The following AHCTF1 variants were observed in gnomAD, a reference collection of about 807,000 sequenced individuals.
AHCTF1 encodes AT-hook containing transcription factor 1.
In AHCTF1, 24 loss-of-function variants were observed where a neutral mutation model predicts 248.4. The observed-to-expected ratio is 0.10, with a 90% CI of 0.07 to 0.14. AHCTF1 has a LOEUF of 0.14. Ranked by LOEUF, AHCTF1 falls within the 10% of genes least tolerant of loss-of-function variation. The pLI, the probability that AHCTF1 is intolerant of heterozygous loss-of-function variation, is 1.00. For synonymous variants in AHCTF1, 786 were observed against 929.8 expected (o/e 0.85, Z 2.81); for missense variants, 2,206 against 2,636.2 (o/e 0.84, Z 3.57).
intron 24 of AHCTF1, among the ~76,000 whole-genome samples, chr1:246,874,045 C>T (rs988596889): frequency 2.0e-5 from 3 of 152,136 alleles, no homozygotes; most frequent in Non-Finnish European, 4.4e-5. Flanking sequence ...CAACTCACTC[C>T]TGTCCTGACA....
At chr1:246,902,802 C>G in intron 7 of AHCTF1, 127 bp from the exon 8 acceptor site, 1 of 889,856 alleles carries the variant, frequency 1.1e-6, no homozygotes, top group South Asian at 3.3e-5. Flanking sequence ...TGAAGAGAAC[C>G]AATCATGGAA....
intron 1 of AHCTF1, among the ~76,000 whole-genome samples, chr1:246,922,829 A>T (rs1470638230): frequency 1.3e-5 from 2 of 151,286 alleles, no homozygotes; most frequent in African/African-American, 4.9e-5. Context: ...AAAAATACAA[A>T]AAAAATAGCC....
intron 24 of AHCTF1, among the ~76,000 whole-genome samples, chr1:246,874,555 C>CA (rs926183348): frequency 1.3e-5 from 2 of 151,950 alleles, no homozygotes; most frequent in African/African-American, 4.8e-5. Context: ...AACGGCCACC[C>CA]AAAAAAATAT....
chr1:246,849,901 G>A lies in AHCTF1; in HGVS notation c.6105C>T (p.Asn2035=), dbSNP rs41308156. The A allele has an allele frequency of 6.8e-3, 10,976 of 1,613,860 alleles. 624 individuals are homozygous for A. The African/African-American group carries it at 0.13, about 19-fold the overall frequency. The part of the protein sequence containing the change: ...PALGKSILVP[N]EELSMVMSSK... Reference sequence around the variant, plus strand: ...AGCTCATCACCATCGAAAGTTCCTCGTTTGGCACTAAAATGGATTTTCCTA... The same window carrying A: ...AGCTCATCACCATCGAAAGTTCCTCATTTGGCACTAAAATGGATTTTCCTA... The change falls in exon 33 of 36, where the codon AAC becomes AAT. Residue 2035 remains asparagine (N), a synonymous_variant. Transcript: ENST00000648844.
chr1:246,902,139 A>C (rs1350517937), intron 8 of AHCTF1, among the ~76,000 whole-genome samples: 4 of 152,178 alleles, frequency 2.6e-5, no homozygotes, highest in Non-Finnish European at 5.9e-5. Flanking sequence ...GATGCAAAAA[A>C]AACTGCCAGG....
chr1:246,861,420 A>G (rs1208602939), intron 28 of AHCTF1, 125 bp from the exon 29 acceptor site: 3 of 907,158 alleles, frequency 3.3e-6, no homozygotes, highest in Non-Finnish European at 4.9e-6. Context: ...TCTCCTTAAT[A>G]AAAATTCATT....
intron 1 of AHCTF1, among the ~76,000 whole-genome samples, chr1:246,930,156 C>G (rs1384917916): frequency 6.6e-6 from 1 of 152,088 alleles, no homozygotes; most frequent in African/African-American, 2.4e-5. Context: ...TTTATTTTAG[C>G]AACAGGTTCT....
chr1:246,894,774 A>C, intron 13 of AHCTF1, 26 bp from the exon 14 acceptor site: 1 of 1,581,096 alleles, frequency 6.3e-7, no homozygotes, highest in Non-Finnish European at 8.7e-7. Flanking sequence ...AAAAGGGAAA[A>C]AATAAAGATT....
chr1:246,887,874 C>T (rs1193829939), intron 19 of AHCTF1, among the ~76,000 whole-genome samples: 3 of 152,170 alleles, frequency 2.0e-5, no homozygotes, highest in African/African-American at 7.2e-5. Context: ...ATAGTGACCA[C>T]TTGGTGGTAG....
chr1:246,868,215 G>A (rs930469378), intron 24 of AHCTF1, among the ~76,000 whole-genome samples: 2 of 150,102 alleles, frequency 1.3e-5, no homozygotes, highest in Non-Finnish European at 2.9e-5. Context: ...TGCAACCTCT[G>A]CCTGCCAGAC....
intron 2 of AHCTF1, among the ~76,000 whole-genome samples, chr1:246,917,588 T>C (rs989615638): frequency 3.9e-5 from 6 of 152,218 alleles, no homozygotes; most frequent in East Asian, 1.9e-4. Flanking sequence ...CATCGTACAA[T>C]GCCTGGCATA....
chr1:246,922,422 T>G (rs1163678302), intron 1 of AHCTF1, among the ~76,000 whole-genome samples: 1 of 150,692 alleles, frequency 6.6e-6, no homozygotes, highest in Admixed American at 6.6e-5. Context: ...TCTGTTGCGG[T>G]TTTTTGGGTT....
In AHCTF1 at chr1:246,926,998, T is replaced by A. The variant is rs61854046; in HGVS notation, c.-8+4580A>T. ...GACCATCCTGGCTAACAAGGTGAAA[T>A]CCCGTCTCTACTAAAAATACAGAAA... On this transcript the variant is annotated intron_variant, in intron 1 of 35. Transcript: ENST00000648844. Among the ~76,000 whole-genome samples, 5 of 151,054 alleles carry A rather than the reference T, an allele frequency of 3.3e-5. No individual in the cohort carries two copies. In the East Asian group the frequency reaches 9.8e-4, roughly 30 times the overall value.
At chr1:246,848,032 A>G (rs1660412360) in intron 33 of AHCTF1, among the ~76,000 whole-genome samples, 1 of 152,172 alleles carries the variant, frequency 6.6e-6, no homozygotes. Context: ...CATAGGTCTA[A>G]CCACACTTTT....
intron 33 of AHCTF1, among the ~76,000 whole-genome samples, chr1:246,846,871 C>T (rs1430401351): frequency 6.6e-6 from 1 of 151,930 alleles, no homozygotes; most frequent in Non-Finnish European, 1.5e-5. Context: ...CACACCTCAG[C>T]CTCCCAAGTA....
rs140597337 is a variant in AHCTF1 at position 246,841,312 on chromosome 1, T to C, written c.6609-314A>G. Among the ~76,000 whole-genome samples the C allele has an allele frequency of 3.2e-4, 48 of 152,272 alleles. No individual in the cohort carries two copies. In the East Asian group the frequency reaches 6.7e-3, roughly 21 times the overall value. On this transcript the variant is annotated intron_variant, in intron 35 of 35. Transcript: ENST00000648844. Reference sequence around the variant, plus strand: ...TGCTGGATTACAAGGACGGGCCGAGTACCAGTTGTCAGCCCAGGGGATGAC... The same window carrying C: ...TGCTGGATTACAAGGACGGGCCGAGCACCAGTTGTCAGCCCAGGGGATGAC...
chr1:246,870,723 CAAAA>C (rs11340560), intron 24 of AHCTF1, among the ~76,000 whole-genome samples: 2 of 110,160 alleles, frequency 1.8e-5, no homozygotes, highest in East Asian at 2.7e-4. Context: ...TATAAAACCT[CAAAA>C]AAAAAAAAAA....
At chr1:246,907,221 A>G (rs1370422296) in intron 5 of AHCTF1, among the ~76,000 whole-genome samples, 1 of 152,222 alleles carries the variant, frequency 6.6e-6, no homozygotes, top group East Asian at 1.9e-4. Context: ...GTAAAATTTT[A>G]TGAGACCCCT....
At chr1:246,901,403 G>A (rs1008498340) in intron 8 of AHCTF1, among the ~76,000 whole-genome samples, 3 of 152,108 alleles carry the variant, frequency 2.0e-5, no homozygotes, top group Admixed American at 6.5e-5. Context: ...TGGGGAGGCC[G>A]AGGCGGGTGG....
Sources: gnomAD v4.1 joint callset for allele counts (sites outside exome capture counted in the v4.1 genomes callset) on GRCh38, gnomAD v4.1.1 for gene constraint, MANE v1.5 for transcripts, NCBI Gene and HGNC (gene_info 2026-07-23, HGNC 2026-07-21) for gene names.